LPA: variants seen among roughly 807,000 people sequenced by gnomAD.
LPA encodes the protein apolipoprotein(a).
In LPA, 199 loss-of-function variants were observed where a neutral mutation model predicts 197.9. The ratio of observed to expected loss-of-function variants is 1.01; its 90% CI spans 0.90 to 1.13. The LOEUF (loss-of-function observed/expected upper bound fraction) is 1.13. Ranked by LOEUF, LPA falls within the 50% of genes most tolerant of loss-of-function variation. The probability of loss-of-function intolerance (pLI) is 0.00; values close to 1 mark genes in which losing one functional copy is unlikely to be tolerated. For missense variants in LPA, 1,853 were observed against 1,785.8 expected, an observed-to-expected ratio of 1.04 and a Z score of -0.68; for synonymous variants, 715 against 639.5, an observed-to-expected ratio of 1.12 and a Z score of -1.78.
intron 21 of LPA, 46 bp from the exon 22 acceptor site, chr6:160,594,163 C>A (rs775610069): frequency 1.2e-6 from 2 of 1,607,308 alleles, no homozygotes; most frequent in South Asian, 2.2e-5. Flanking sequence ...TTCTAGAACA[C>A]AGAAGCATCA....
intron 28 of LPA, among the ~76,000 whole-genome samples, chr6:160,570,879 T>G (rs1247253324): frequency 1.3e-5 from 2 of 152,206 alleles, no homozygotes; most frequent in Non-Finnish European, 2.9e-5. Context: ...AATTTGAATG[T>G]GGTATTCTCT....
At chr6:160,605,292 G>A in intron 17 of LPA, 87 bp from the exon 18 acceptor site, 1 of 1,495,854 alleles carries the variant, frequency 6.7e-7, no homozygotes, top group East Asian at 2.3e-5. Context: ...CCAGAAAAAA[G>A]TCTCTGAGAA....
intron 20 of LPA, among the ~76,000 whole-genome samples, chr6:160,596,338 G>A (rs898862193): frequency 6.6e-6 from 1 of 150,944 alleles, no homozygotes; most frequent in Non-Finnish European, 1.5e-5. Context: ...CTTGTTCACT[G>A]AATGTCACTG....
At chr6:160,564,946 G>T (rs552142461) in intron 28 of LPA, among the ~76,000 whole-genome samples, 3 of 152,128 alleles carry the variant, frequency 2.0e-5, no homozygotes, top group Non-Finnish European at 2.9e-5. Flanking sequence ...GTCTGAGACC[G>T]AACTGCAAGG....
chr6:160,648,034 C>CT (rs1488910344), intron 2 of LPA, among the ~76,000 whole-genome samples: 1 of 152,142 alleles, frequency 6.6e-6, no homozygotes, highest in African/African-American at 2.4e-5. Context: ...TTTCCGGTTT[C>CT]TTTGTTTAGG....
At chr6:160,553,603 T>G (rs568670520) in intron 30 of LPA, among the ~76,000 whole-genome samples, 2 of 152,344 alleles carry the variant, frequency 1.3e-5, no homozygotes, top group South Asian at 2.1e-4. Context: ...TAAATGATAT[T>G]GTTTTCCTCT....
intron 25 of LPA, among the ~76,000 whole-genome samples, chr6:160,585,626 C>T (rs1483824853): frequency 6.6e-6 from 1 of 152,032 alleles, no homozygotes; most frequent in Non-Finnish European, 1.5e-5. Flanking sequence ...GCACACTAGA[C>T]CACTGCTCCT....
At chr6:160,572,732 C>T (rs947338088) in intron 28 of LPA, among the ~76,000 whole-genome samples, 2 of 152,194 alleles carry the variant, frequency 1.3e-5, no homozygotes, top group Non-Finnish European at 2.9e-5. Context: ...TATGATAGGG[C>T]TCCAATCCTT....
At chr6:160,586,113 G>A (rs1778905277) in intron 25 of LPA, among the ~76,000 whole-genome samples, 1 of 152,204 alleles carries the variant, frequency 6.6e-6, no homozygotes. Flanking sequence ...GGGCTGGACA[G>A]GCTTAGGAGC....
rs1443814455 is a variant in LPA, at chr6:160,578,621, T to A, written c.4373A>T (p.Glu1458Val). ...TGGACATCGTGTCAGGTTGCAGTAC[T>A]CCCACCTGACACTGGGATCCATGGT... ...CYTMDPSVRW[E>V]YCNLTRCPVT... The change falls in exon 27 of 39, where the codon GAG (glutamate) becomes GTG (valine). Residue 1458 changes from glutamate (E) to valine (V), a missense_variant. By Grantham distance (121) the Glu-to-Val change is moderately radical (BLOSUM62 -2). Around this residue, in one of 3 missense-constraint regions of LPA, gnomAD observed 1,737 missense variants for 1,504.4 expected, o/e 1.15. Coordinates refer to ENST00000316300, the MANE Select transcript of LPA (RefSeq NM_005577.4). 2.5e-6 allele frequency: 4 copies of A among 1,614,008 alleles called. No individual in the cohort carries two copies. The South Asian group carries it at 4.4e-5, about 18-fold the overall frequency.
At chr6:160,553,978 T>C (rs1013014766) in intron 30 of LPA, among the ~76,000 whole-genome samples, 5 of 106,558 alleles carry the variant, frequency 4.7e-5, no homozygotes, top group Non-Finnish European at 1.1e-4. Context: ...TGTGCGTGTG[T>C]GTGTGTCTTA....
intron 28 of LPA, among the ~76,000 whole-genome samples, chr6:160,569,875 C>T (rs545826179): frequency 2.6e-5 from 4 of 152,272 alleles, no homozygotes; most frequent in East Asian, 3.9e-4. Context: ...TCAAGAGACA[C>T]ATGAAAAAGT....
chr6:160,541,743 G>A (rs886904440), intron 34 of LPA, among the ~76,000 whole-genome samples: 8 of 152,318 alleles, frequency 5.3e-5, no homozygotes, highest in Admixed American at 2.0e-4. Context: ...AGATTGCAAC[G>A]AAGAGGAATA....
At chr6:160,590,902 C>T (rs1267825150) in intron 23 of LPA, 42 bp downstream of exon 23, 7 of 1,613,222 alleles carry the variant, frequency 4.3e-6, no homozygotes, top group Non-Finnish European at 5.9e-6. Flanking sequence ...TCTTTTTATC[C>T]CAACGTCCAA....
intron 24 of LPA, among the ~76,000 whole-genome samples, chr6:160,588,082 G>C (rs554757886): frequency 6.6e-6 from 1 of 151,960 alleles, no homozygotes; most frequent in Non-Finnish European, 1.5e-5. Context: ...TCTCACCAAT[G>C]TCATCAATTC....
chr6:160,541,984 G>A (rs552161902), intron 34 of LPA, among the ~76,000 whole-genome samples: 60 of 151,546 alleles, frequency 4.0e-4, no homozygotes, highest in African/African-American at 1.2e-3. Flanking sequence ...CTTTAGAGGA[G>A]AACAGCAATT....
intron 16 of LPA, among the ~76,000 whole-genome samples, chr6:160,611,039 T>A (rs1479734176): frequency 6.6e-6 from 1 of 152,138 alleles, no homozygotes; most frequent in Non-Finnish European, 1.5e-5. Context: ...GATCTTCTCT[T>A]GCTGGGAACC....
rs770658328 is a variant in LPA at position 160,548,513 on chromosome 6, A to G, written c.5120T>C (p.Ile1707Thr). The G allele has an allele frequency of 3.7e-6, 6 of 1,613,904 alleles. No homozygotes were observed. Among genetic ancestry groups the G allele is most frequent in the Non-Finnish European group, 5.1e-6 (6 of 1,180,002 alleles). Residue 1707 changes from isoleucine to threonine, a missense_variant, in exon 31 of 39, where the codon ATC becomes ACC. Around this residue, in one of 3 missense-constraint regions of LPA, gnomAD observed 1,737 missense variants for 1,504.4 expected, o/e 1.15. Transcript: ENST00000316300. ...AGGAGGCCCTAGGCTTGGAACCTGG[A>G]TGACAGTCGGAGGAGCGACCACAGT... ...EGTVVAPPTV[I>T]QVPSLGPPSE... is the part of the protein sequence containing the mutation.
At chr6:160,576,727 A>AT (rs1778691195) in intron 28 of LPA, among the ~76,000 whole-genome samples, 1 of 113,170 alleles carries the variant, frequency 8.8e-6, no homozygotes, top group Non-Finnish European at 1.9e-5. Context: ...TACACATCTT[A>AT]ATTTTTTTTT....
Sources: gnomAD v4.1 joint callset for allele counts (sites outside exome capture counted in the v4.1 genomes callset) on GRCh38, gnomAD v4.1.1 for gene constraint, gnomAD v4.1.1 regional missense constraint, MANE v1.5 for transcripts, NCBI Gene and HGNC (gene_info 2026-07-23, HGNC 2026-07-21) for gene names.